SPHKAP: variants seen among roughly 807,000 people sequenced by gnomAD.
SPHKAP encodes SPHK1 interactor, AKAP domain containing, also known as A-kinase anchor protein SPHKAP.
In SPHKAP, 67 loss-of-function variants were observed where a neutral mutation model predicts 137.5. The ratio of observed to expected loss-of-function variants is 0.49; its 90% confidence interval spans 0.40 to 0.60. The LOEUF is 0.60. Among genes scored for constraint, SPHKAP ranks in the 20% least tolerant of loss-of-function variants. The probability of loss-of-function intolerance (pLI) is 0.00; values close to 1 mark genes in which losing one functional copy is unlikely to be tolerated. For synonymous variants in SPHKAP, 813 were observed against 785.3 expected, an observed-to-expected ratio of 1.04 and a Z score of -0.59; for missense variants, 2,097 against 2,069.3, an observed-to-expected ratio of 1.01 and a Z score of -0.26.
At chr2:228,148,947 G>T (rs776491162) in intron 1 of SPHKAP, among the ~76,000 whole-genome samples, 2 of 152,202 alleles carry the variant, frequency 1.3e-5, no homozygotes, top group Non-Finnish European at 2.9e-5. Context: ...GGAAAGAGTT[G>T]AAAGTTTGCA....
chr2:228,072,851 G>A (rs1478755502), intron 3 of SPHKAP, among the ~76,000 whole-genome samples: 1 of 152,188 alleles, frequency 6.6e-6, no homozygotes, highest in African/African-American at 2.4e-5. Context: ...GCTTCCAGTT[G>A]GTTCAGCCCG....
At chr2:228,115,880 G>C (rs1698694367) in intron 2 of SPHKAP, among the ~76,000 whole-genome samples, 1 of 152,158 alleles carries the variant, frequency 6.6e-6, no homozygotes, top group Admixed American at 6.6e-5. Context: ...AGCATTAAGA[G>C]GTAAGGCCTT....
rs1283834554 is a variant in SPHKAP at position 227,981,183 on chromosome 2, AC to A, written c.*533del. On this transcript the variant is annotated 3_prime_UTR_variant, in exon 12 of 12. Transcript: ENST00000392056. Reference sequence around the variant, plus strand: ...TGCTGCTATACTTTTATCAATGTCTACTGACATTGATTTGAAAGTGGAAATC... The same window carrying A: ...TGCTGCTATACTTTTATCAATGTCTATGACATTGATTTGAAAGTGGAAATC... 1 of 152,302 alleles carries A rather than the reference AC, an allele frequency of 6.6e-6. No homozygotes were observed. The highest frequency in any genetic ancestry group is 1.5e-5 in the Non-Finnish European group (1 of 68,094). The allele number at this position is 152,302 out of a possible 1,614,324, so 9.4% of individuals were successfully genotyped here. A position where few individuals can be genotyped will look rare whatever the true frequency, so the allele number is the denominator to read the frequency against.
chr2:227,995,774 A>G (rs1693619530), intron 7 of SPHKAP, 80 bp from the exon 8 acceptor site: 2 of 1,410,348 alleles, frequency 1.4e-6, no homozygotes, highest in South Asian at 2.9e-5. Context: ...CACTTTGTAG[A>G]GTCCCAATAA....
intron 1 of SPHKAP, among the ~76,000 whole-genome samples, chr2:228,156,262 A>G (rs1700104483): frequency 6.6e-6 from 1 of 152,192 alleles, no homozygotes; most frequent in Admixed American, 6.5e-5. Context: ...AGTGTTCCTA[A>G]TGTACTGGCT....
Position 228,036,410 on chromosome 2 carries a change from T to C in SPHKAP, c.247-8867A>G, listed in dbSNP as rs567509249. ...AGGTGCTGGAGAGGATGTGGAGAAA[T>C]AGGAACACTTTTACACTGTTGGTGG... is the stretch of plus-strand genomic sequence containing the variant. On this transcript the variant is annotated intron_variant, in intron 3 of 11. Coordinates refer to ENST00000392056, the MANE Select transcript of SPHKAP (RefSeq NM_001142644.2). 1.1e-3 allele frequency among the ~76,000 whole-genome samples: 167 copies of C among 152,188 alleles called. 1 individual carries two copies. The highest frequency in any genetic ancestry group is 3.6e-3 in the African/African-American group (148 of 41,532).
chr2:228,005,904 G>T (rs185251619), intron 7 of SPHKAP, among the ~76,000 whole-genome samples: 167 of 152,366 alleles, frequency 1.1e-3, no homozygotes, highest in African/African-American at 3.8e-3. Flanking sequence ...TCTGCCTAGA[G>T]ATCAGCTGTT....
intron 2 of SPHKAP, among the ~76,000 whole-genome samples, chr2:228,119,450 C>T (rs1698834657): frequency 6.8e-6 from 1 of 147,086 alleles, no homozygotes; most frequent in Non-Finnish European, 1.5e-5. Flanking sequence ...GTTTAAAAGC[C>T]TAGTATACAC....
intron 5 of SPHKAP, among the ~76,000 whole-genome samples, chr2:228,023,138 G>A (rs1694903872): frequency 6.6e-6 from 1 of 152,082 alleles, no homozygotes; most frequent in African/African-American, 2.4e-5. Flanking sequence ...ATTATTTATT[G>A]CTCATTGGAA....
At chr2:227,993,812 A>G (rs1391983763) in intron 8 of SPHKAP, among the ~76,000 whole-genome samples, 192 bp from the exon 9 acceptor site, 1 of 152,190 alleles carries the variant, frequency 6.6e-6, no homozygotes, top group African/African-American at 2.4e-5. Flanking sequence ...AGGCCTAACC[A>G]GCTCAGCAGA....
At chr2:228,055,999 C>T (rs2106279804) in intron 3 of SPHKAP, among the ~76,000 whole-genome samples, 1 of 152,286 alleles carries the variant, frequency 6.6e-6, no homozygotes, top group East Asian at 1.9e-4. Flanking sequence ...GCAACAGATC[C>T]TTGCTCCATC....
At chr2:228,159,634 A>G (rs1054909054) in intron 1 of SPHKAP, among the ~76,000 whole-genome samples, 3 of 152,216 alleles carry the variant, frequency 2.0e-5, no homozygotes, top group Non-Finnish European at 4.4e-5. Context: ...ACTTACAATT[A>G]CACATTTTCT....
intron 3 of SPHKAP, among the ~76,000 whole-genome samples, chr2:228,094,067 T>C (rs1697905242): frequency 1.3e-5 from 2 of 152,100 alleles, no homozygotes; most frequent in Admixed American, 1.3e-4. Context: ...AATATCTAGG[T>C]ATTTTTTTAT....
chr2:228,066,069 G>A (rs868545612), intron 3 of SPHKAP, among the ~76,000 whole-genome samples: 1 of 152,144 alleles, frequency 6.6e-6, no homozygotes, highest in South Asian at 2.1e-4. Context: ...TAGCTTTGAA[G>A]GATATGGTTC....
rs765828882 is a variant in SPHKAP, at chr2:228,020,136, A to G, written c.718T>C (p.Ser240Pro). The stretch of plus-strand genomic sequence containing the variant: ...TGTTTACTTTCCAAAACATTGGCTG[A>G]GACATTTATATTTTCATAATCTAGT... ...SRNDYENINV[S>P]ANVLESKQLK... Residue 240 changes from serine to proline, a missense_variant, in exon 7 of 12, where the codon TCA (serine) becomes CCA (proline). Coordinates refer to ENST00000392056, the MANE Select transcript of SPHKAP (RefSeq NM_001142644.2). 2 of 1,602,748 alleles carry G rather than the reference A, an allele frequency of 1.2e-6. No homozygotes were observed. Among genetic ancestry groups the G allele is most frequent in the South Asian group, 1.1e-5 (1 of 88,692 alleles).
At chr2:228,176,486 C>T (rs1007176882) in intron 1 of SPHKAP, among the ~76,000 whole-genome samples, 1 of 152,240 alleles carries the variant, frequency 6.6e-6, no homozygotes, top group Non-Finnish European at 1.5e-5. Flanking sequence ...GACGTCAGCA[C>T]ATCCAGGAGG....
chr2:228,090,361 G>A (rs939801190), intron 3 of SPHKAP, among the ~76,000 whole-genome samples: 49 of 152,154 alleles, frequency 3.2e-4, no homozygotes, highest in Non-Finnish European at 8.8e-5. Context: ...TACCTCCATT[G>A]TATCTTGGAA....
In SPHKAP at chr2:228,017,237, C is replaced by A; in HGVS notation, c.3617G>T (p.Ser1206Ile). 6.2e-7 allele frequency: 1 copy of A among 1,614,044 alleles called. No individual in the cohort carries two copies. Among genetic ancestry groups the A allele is most frequent in the South Asian group, 1.1e-5 (1 of 91,082 alleles). The change falls in exon 7 of 12, where the codon AGC becomes ATC. Residue 1206 changes from serine (S) to isoleucine (I), a missense_variant. Ser to Ile is a moderately radical substitution (Grantham distance 142, BLOSUM62 -2). Transcript: ENST00000392056. ...RYMLRDIERD[S>I]RESASSRRSS... is the part of the protein sequence containing the mutation. Reference sequence around the variant, plus strand: ...CCGTCTGGAGGAGGCACTTTCTCTGCTGTCTCTTTCGATGTCCCTCAGCAT... The same window carrying A: ...CCGTCTGGAGGAGGCACTTTCTCTGATGTCTCTTTCGATGTCCCTCAGCAT...
At chr2:228,038,492 A>C (rs917866320) in intron 3 of SPHKAP, among the ~76,000 whole-genome samples, 2 of 152,228 alleles carry the variant, frequency 1.3e-5, no homozygotes, top group Admixed American at 1.3e-4. Context: ...CTAGGGCTGC[A>C]TGCTGGAGCC....
Sources: allele counts gnomAD v4.1 joint callset (sites outside exome capture counted in the v4.1 genomes callset), GRCh38; gene constraint gnomAD v4.1.1; transcripts MANE v1.5; gene names NCBI Gene and HGNC (gene_info 2026-07-23, HGNC 2026-07-21).